The following CSF2RB variants were observed in gnomAD, a reference collection of about 807,000 sequenced individuals.
The protein encoded by CSF2RB is colony stimulating factor 2 receptor subunit beta.
Under a neutral mutation model 67.2 loss-of-function variants are expected in CSF2RB, and 22 were observed. The ratio of observed to expected loss-of-function variants is 0.33; its 90% CI spans 0.23 to 0.47. CSF2RB has a LOEUF of 0.47. Ranked by LOEUF, CSF2RB falls within the 20% of genes least tolerant of loss-of-function variation. The pLI is 1.00. For synonymous variants in CSF2RB, 507 were observed against 482.9 expected, an observed-to-expected ratio of 1.05 and a Z score of -0.65; for missense variants, 1,113 against 1,174.5, an observed-to-expected ratio of 0.95 and a Z score of 0.76.
At chr22:36,921,597 C>T (rs935320076) in intron 1 of CSF2RB, among the ~76,000 whole-genome samples, 1 of 152,086 alleles carries the variant, frequency 6.6e-6, no homozygotes, top group East Asian at 1.9e-4. Context: ...AGGGAGGAAA[C>T]CCCCGGCCTC....
chr22:36,923,415 C>T (rs768978226), intron 3 of CSF2RB, 48 bp downstream of exon 3: 8 of 1,600,640 alleles, frequency 5.0e-6, no homozygotes, highest in Non-Finnish European at 6.8e-6. Flanking sequence ...TACGACGTCC[C>T]CTGTGCCTGG....
chr22:36,933,019 G>GT, intron 9 of CSF2RB, 115 bp downstream of exon 9: 1 of 1,262,320 alleles, frequency 7.9e-7, no homozygotes, highest in South Asian at 1.4e-5. Context: ...CCAGTGAGAG[G>GT]TAGCCACTGG....
At chr22:36,917,783 C>T (rs570731714) in intron 1 of CSF2RB, among the ~76,000 whole-genome samples, 27 of 152,142 alleles carry the variant, frequency 1.8e-4, no homozygotes, top group Non-Finnish European at 3.2e-4. Context: ...ACTAGCCAGG[C>T]GTGGTGGTGC....
At chr22:36,923,450 A>T (rs1019678375) in intron 3 of CSF2RB, 83 bp downstream of exon 3, 1 of 1,558,044 alleles carries the variant, frequency 6.4e-7, no homozygotes, top group Non-Finnish European at 8.7e-7. Context: ...GTAGAGAGGG[A>T]CCTGTCAGGT....
At chr22:36,924,281 T>C (rs911032848) in intron 3 of CSF2RB, among the ~76,000 whole-genome samples, 17 of 146,566 alleles carry the variant, frequency 1.2e-4, no homozygotes, top group African/African-American at 4.2e-4. Flanking sequence ...CCCACCCCCT[T>C]TGCCCACCGC....
intron 4 of CSF2RB, among the ~76,000 whole-genome samples, chr22:36,927,122 G>A (rs185671533): frequency 1.4e-4 from 22 of 152,352 alleles, no homozygotes; most frequent in Non-Finnish European, 2.6e-4. Flanking sequence ...CTCTTTGCAA[G>A]GGTCACACGG....
chr22:36,923,273 TACA>T lies in CSF2RB; in HGVS notation c.109_111del (p.Asn37del), dbSNP rs768128646. 1.2e-6 allele frequency: 2 copies of T among 1,614,032 alleles called. No homozygotes were observed. The highest frequency in any genetic ancestry group is 1.7e-6 in the Non-Finnish European group (2 of 1,180,022). On this transcript the variant is annotated inframe_deletion, in exon 3 of 14. Transcript: ENST00000403662. The stretch of plus-strand genomic sequence containing the variant: ...CATCCCGCTGCAGACCCTGCGCTGC[TACA>T]ACGACTACACCAGCCACATCACCTG...
At chr22:36,930,240 C>T in intron 6 of CSF2RB, 135 bp from the exon 7 acceptor site, 1 of 1,248,364 alleles carries the variant, frequency 8.0e-7, no homozygotes, top group South Asian at 1.2e-5. Flanking sequence ...CTGGCAGGTT[C>T]AGGCTGAAGT....
chr22:36,915,003 T>C (rs1270516016), intron 1 of CSF2RB, among the ~76,000 whole-genome samples: 2 of 152,220 alleles, frequency 1.3e-5, no homozygotes, highest in East Asian at 3.8e-4. Flanking sequence ...AGCTTATTCT[T>C]TTCACCACAT....
At chr22:36,934,132 C>T in intron 10 of CSF2RB, 138 bp downstream of exon 10, 1 of 1,232,172 alleles carries the variant, frequency 8.1e-7, no homozygotes, top group Non-Finnish European at 1.1e-6. Flanking sequence ...AGATGGTGGC[C>T]AAAGAGAAAG....
At chr22:36,924,312 G>A (rs982079875) in intron 3 of CSF2RB, among the ~76,000 whole-genome samples, 21 of 139,310 alleles carry the variant, frequency 1.5e-4, no homozygotes, top group African/African-American at 5.6e-4. Context: ...GCCTGGACCA[G>A]GGCTCCTGTC....
At position 36,938,396 on chromosome 22, in the gene CSF2RB, AG is replaced by A; in HGVS notation, c.2590del (p.Ala864LeufsTer14). 6.2e-7 allele frequency: 1 copy of A among 1,614,170 alleles called. No homozygotes were observed. Among genetic ancestry groups the A allele is most frequent in the East Asian group, 2.2e-5 (1 of 44,880 alleles). On this transcript the variant is annotated frameshift_variant, in exon 14 of 14. Transcript: ENST00000403662. LOFTEE classifies it low-confidence loss of function (END_TRUNC). ...TTTCAAGTCAAGAAGCCCCCAGGCC[AG>A]GCTGTGCCCCAGGTGCCCGTCATTC... ...QAFQVKKPPGQAVPQVPVIQL... is the reference protein window; with the variant it reads ...QAFQVKKPPGXAVPQVPVIQL...
intron 1 of CSF2RB, among the ~76,000 whole-genome samples, chr22:36,919,222 T>C (rs1294145957): frequency 1.3e-5 from 2 of 152,230 alleles, no homozygotes; most frequent in Non-Finnish European, 2.9e-5. Flanking sequence ...TGACATTGTC[T>C]GCCATACCTG....
intron 4 of CSF2RB, among the ~76,000 whole-genome samples, chr22:36,927,701 G>A (rs1335362633): frequency 1.3e-5 from 2 of 152,192 alleles, no homozygotes; most frequent in African/African-American, 4.8e-5. Flanking sequence ...GAGCACTGAG[G>A]GGAAATGACA....
chr22:36,939,374 A>G lies in CSF2RB; in HGVS notation c.*872A>G. ...ACTGCCAAACAAAGGAAAATGCCCCAAAGGCATATATGCTTTAGGGCCTTT... is the reference window on the plus strand; with the variant it reads ...ACTGCCAAACAAAGGAAAATGCCCCGAAGGCATATATGCTTTAGGGCCTTT... On this transcript the variant is annotated 3_prime_UTR_variant, in exon 14 of 14. Coordinates refer to ENST00000403662, the MANE Select transcript of CSF2RB (RefSeq NM_000395.3). 1.5e-6 allele frequency: 1 copy of G among 675,464 alleles called. No homozygotes were observed. Among genetic ancestry groups the G allele is most frequent in the Non-Finnish European group, 2.7e-6 (1 of 370,732 alleles). 41.8% of individuals were successfully genotyped at this position (675,464 alleles called of 1,614,324 possible). A position where few individuals can be genotyped will look rare whatever the true frequency, so the allele number is the denominator to read the frequency against.
chr22:36,929,733 G>T lies in CSF2RB; in HGVS notation c.644G>T (p.Arg215Leu), dbSNP rs149714683. Residue 215 changes from arginine (R) to leucine (L), a missense_variant, in exon 6 of 14, where the codon CGC becomes CTC. By Grantham distance (102) the Arg-to-Leu change is moderately radical (BLOSUM62 -2). This residue lies in a region of CSF2RB where 559 missense variants were observed against 656.5 expected (regional missense o/e 0.85). Transcript: ENST00000403662. ...SSTYVARVRT[R>L]LAPGSRLSGR... is the part of the protein sequence containing the mutation. Reference sequence around the variant, plus strand: ...ACCTACGTGGCCCGAGTACGGACCCGCCTGGCCCCAGGTTCTCGGCTCTCA... The same window carrying T: ...ACCTACGTGGCCCGAGTACGGACCCTCCTGGCCCCAGGTTCTCGGCTCTCA... 1.9e-6 allele frequency: 3 copies of T among 1,614,138 alleles called. No homozygotes were observed. The highest frequency in any genetic ancestry group is 1.7e-6 in the Non-Finnish European group (2 of 1,180,020).
rs1941335041 is a variant in CSF2RB at position 36,939,033 on chromosome 22, C to T, written c.*531C>T. ...AGGTGGGCACCCGTGGGGGTTAGGG[C>T]TTGGAAGAGTGGCACAGGACTGGGC... On this transcript the variant is annotated 3_prime_UTR_variant, in exon 14 of 14. Transcript: ENST00000403662. 2 of 658,932 alleles carry T rather than the reference C, an allele frequency of 3.0e-6. No individual in the cohort carries two copies. The highest frequency in any genetic ancestry group is 2.7e-5 in the East Asian group (1 of 37,606). 40.8% of individuals were successfully genotyped at this position (658,932 alleles called of 1,614,324 possible). A position where few individuals can be genotyped will look rare whatever the true frequency, so the allele number is the denominator to read the frequency against.
At chr22:36,923,008 C>T (rs956844652) in intron 2 of CSF2RB, among the ~76,000 whole-genome samples, 10 of 152,150 alleles carry the variant, frequency 6.6e-5, no homozygotes, top group Non-Finnish European at 4.4e-5. Context: ...TGCGGAGGCC[C>T]AGAAACCATG....
intron 2 of CSF2RB, 113 bp downstream of exon 2, chr22:36,922,396 C>T (rs1272747279): frequency 1.1e-6 from 1 of 949,972 alleles, no homozygotes; most frequent in Non-Finnish European, 1.6e-6. Context: ...TCCTGCTCCC[C>T]TCCCTCTGTC....
Sources: gnomAD v4.1 joint callset for allele counts (sites outside exome capture counted in the v4.1 genomes callset) on GRCh38, gnomAD v4.1.1 for gene constraint, gnomAD v4.1.1 regional missense constraint, MANE v1.5 for transcripts, NCBI Gene and HGNC (gene_info 2026-07-23, HGNC 2026-07-21) for gene names.